The following SYT3 variants were observed in gnomAD, a reference collection of about 807,000 sequenced individuals.
The protein encoded by SYT3 is synaptotagmin-3.
Under a neutral mutation model 50.6 loss-of-function variants are expected in SYT3, and 25 were observed. The observed-to-expected ratio is 0.49, with a 90% confidence interval of 0.36 to 0.69. The LOEUF (loss-of-function observed/expected upper bound fraction) is 0.69. SYT3 is among the 30% of genes least tolerant of loss of function. The probability of loss-of-function intolerance (pLI) is 0.00; values close to 1 mark genes in which losing one functional copy is unlikely to be tolerated. For synonymous variants in SYT3, 323 were observed against 353.9 expected (o/e 0.91, Z 0.98); for missense variants, 589 against 793.6 (o/e 0.74, Z 3.10).
upstream of SYT3, among the ~76,000 whole-genome samples, chr19:50,644,111 T>G (rs1482349224): frequency 6.6e-6 from 1 of 152,236 alleles, no homozygotes; most frequent in African/African-American, 2.4e-5. Flanking sequence ...GTGTCCCAGC[T>G]GCCTGGCACA....
upstream of SYT3, among the ~76,000 whole-genome samples, chr19:50,643,553 G>A (rs1046403219): frequency 2.0e-5 from 3 of 152,068 alleles, no homozygotes; most frequent in African/African-American, 4.8e-5. Context: ...GGACCCATTT[G>A]AGGACTTGCA....
intron 3 of SYT3, among the ~76,000 whole-genome samples, chr19:50,635,730 A>C (rs565279771): frequency 6.6e-6 from 1 of 152,250 alleles, no homozygotes; most frequent in South Asian, 2.1e-4. Context: ...GCCGACCCCC[A>C]ATAAAAACCC....
At chr19:50,649,711 T>C in the SYT3 span, 5 of 694,046 alleles carry the variant, frequency 7.2e-6, no homozygotes, top group Admixed American at 8.2e-5. Context: ...CCTCTGCAGT[T>C]CCTTGGCCAA....
At chr19:50,630,569 TGC>T (rs1984266660) in intron 4 of SYT3, among the ~76,000 whole-genome samples, 1 of 152,076 alleles carries the variant, frequency 6.6e-6, no homozygotes, top group Non-Finnish European at 1.5e-5. Flanking sequence ...ATTACAGGCA[TGC>T]ACCACCATAT....
chr19:50,623,613 CA>C (rs529397903), intron 9 of SYT3, among the ~76,000 whole-genome samples: 5 of 91,620 alleles, frequency 5.5e-5, no homozygotes, highest in African/African-American at 1.3e-4. Context: ...CCTGTCTCTA[CA>C]AAAAAAAAAA....
chr19:50,650,309 A>G, the SYT3 span, among the ~76,000 whole-genome samples: 1 of 152,254 alleles, frequency 6.6e-6, no homozygotes, highest in Non-Finnish European at 1.5e-5. Context: ...CAGCTCATGC[A>G]GTTACACTCA....
chr19:50,633,803 C>T (rs1252638484), intron 3 of SYT3, among the ~76,000 whole-genome samples: 2 of 152,102 alleles, frequency 1.3e-5, no homozygotes, highest in African/African-American at 2.4e-5. Context: ...CATATTTATC[C>T]CTGTTTTCCA....
At chr19:50,655,985 C>T in the SYT3 span, 4 of 1,460,540 alleles carry the variant, frequency 2.7e-6, 1 homozygote, top group South Asian at 3.6e-5. Context: ...TTGGTGATGG[C>T]CATTTAAGCA....
At chr19:50,656,640 A>G in the SYT3 span, among the ~76,000 whole-genome samples, 2 of 152,090 alleles carry the variant, frequency 1.3e-5, no homozygotes, top group African/African-American at 4.8e-5. Context: ...GTTTACAAAT[A>G]TAACAAAAAC....
intron 6 of SYT3, 150 bp from the exon 7 acceptor site, chr19:50,626,167 G>A: frequency 7.9e-7 from 1 of 1,271,718 alleles, no homozygotes; most frequent in Non-Finnish European, 1.1e-6. Flanking sequence ...TTGGGACAAG[G>A]CCCAGTAATT....
the SYT3 span, among the ~76,000 whole-genome samples, chr19:50,653,335 G>A: frequency 1.3e-5 from 2 of 152,062 alleles, no homozygotes; most frequent in East Asian, 1.9e-4. Context: ...TACTGTGCCC[G>A]GCCACAGTGG....
Position 50,626,109 on chromosome 19 carries a change from C to T in SYT3, c.1282-92G>A, listed in dbSNP as rs546037038. The T allele has an allele frequency of 7.1e-5, 106 of 1,493,820 alleles. No individual in the cohort carries two copies. The East Asian group carries it at 2.6e-3, about 37-fold the overall frequency. The allele number at this position is 1,493,820 out of a possible 1,614,324, so 92.5% of individuals were successfully genotyped here. Reference sequence around the variant, plus strand: ...TCCGGTCGGAGCCTCCTGCTTTACACCCTGACATCCAGGGCTCAGGCTTCC... The same window carrying T: ...TCCGGTCGGAGCCTCCTGCTTTACATCCTGACATCCAGGGCTCAGGCTTCC... On this transcript the variant is annotated intron_variant, in intron 6 of 10. Transcript: ENST00000600079.
chr19:50,638,655 G>A (rs1984571350), intron 2 of SYT3, among the ~76,000 whole-genome samples: 1 of 152,100 alleles, frequency 6.6e-6, no homozygotes, highest in Non-Finnish European at 1.5e-5. Context: ...GGTGAAGAGG[G>A]GCAGGCAGGA....
upstream of SYT3, among the ~76,000 whole-genome samples, chr19:50,641,111 C>T (rs1475517191): frequency 2.7e-5 from 4 of 146,388 alleles, no homozygotes; most frequent in African/African-American, 7.5e-5. Context: ...TGGTGGCGTG[C>T]ACCTGTAGTC....
chr19:50,646,924 G>A, the SYT3 span, among the ~76,000 whole-genome samples: 8 of 152,060 alleles, frequency 5.3e-5, no homozygotes, highest in African/African-American at 1.4e-4. Flanking sequence ...TCTGCTTCCC[G>A]GGCTCACGCC....
At position 50,632,315 on chromosome 19, in the gene SYT3, C is replaced by T; in HGVS notation, c.645G>A (p.Gln215=). The change falls in exon 4 of 11, where the codon CAG becomes CAA. Residue 215 remains glutamine (Q), a synonymous_variant. Transcript: ENST00000600079. This position sits in a 1 kb window ranked among gnomAD's most constrained non-coding sequence, Gnocchi z 4.7. ...GGGLPSAQSH[Q]QVTSLAPTTR... ...TAGTGGGTGCCAGGCTTGTGACCTG[C>T]TGATGTGACTGGGCACTGGGCAAGC... is the stretch of plus-strand genomic sequence containing the variant. The T allele has an allele frequency of 6.3e-7, 1 of 1,588,290 alleles. No homozygotes were observed. Among genetic ancestry groups the T allele is most frequent in the Non-Finnish European group, 8.6e-7 (1 of 1,160,910 alleles).
chr19:50,654,347 G>C, the SYT3 span, among the ~76,000 whole-genome samples: 2 of 151,776 alleles, frequency 1.3e-5, no homozygotes, highest in Non-Finnish European at 2.9e-5. Context: ...CTGTCGCCCA[G>C]GCTGGAGTGC....
chr19:50,651,438 C>T, the SYT3 span, among the ~76,000 whole-genome samples: 1,996 of 152,296 alleles, frequency 0.013, 21 homozygotes, highest in South Asian at 0.054. Context: ...TGGGCTTTCC[C>T]TCCACCTTGT....
chr19:50,642,155 C>A (rs1451263239), upstream of SYT3, among the ~76,000 whole-genome samples: 1 of 152,286 alleles, frequency 6.6e-6, no homozygotes, highest in East Asian at 1.9e-4. Context: ...GAAGCATGTG[C>A]GGGTGTAAAC....
Sources: allele counts gnomAD v4.1 joint callset (sites outside exome capture counted in the v4.1 genomes callset), GRCh38; gene constraint gnomAD v4.1.1; non-coding constraint Gnocchi (gnomAD v3.1); transcripts MANE v1.5; gene names NCBI Gene and HGNC (gene_info 2026-07-23, HGNC 2026-07-21).